ZNF385D: variants seen among roughly 807,000 people sequenced by gnomAD.
ZNF385D encodes the protein zinc finger protein 659.
In ZNF385D, 15 loss-of-function variants were observed where a neutral mutation model predicts 35.8. The ratio of observed to expected loss-of-function variants is 0.42; its 90% CI spans 0.28 to 0.64. ZNF385D has a LOEUF of 0.64. Ranked by LOEUF, ZNF385D falls within the 30% of genes least tolerant of loss-of-function variation. The pLI is 0.23. For synonymous variants in ZNF385D, 212 were observed against 186.8 expected (o/e 1.13, Z -1.10); for missense variants, 474 against 494.6 (o/e 0.96, Z 0.39).
intron 2 of ZNF385D, among the ~76,000 whole-genome samples, chr3:21,643,284 G>T (rs942480565): frequency 3.9e-5 from 6 of 152,118 alleles, no homozygotes; most frequent in Non-Finnish European, 5.9e-5. Flanking sequence ...GGGTGAAGAA[G>T]AGAGGAAAGA....
rs1171649006 is a variant in ZNF385D at position 22,139,550 on chromosome 3, G to T, written c.325+29267C>A. Reference sequence around the variant, plus strand: ...AAACACCTCATGTTCTCACTCATAGGTGGGAATTGAACAATGAGAACACAT... The same window carrying T: ...AAACACCTCATGTTCTCACTCATAGTTGGGAATTGAACAATGAGAACACAT... On this transcript the variant is annotated intron_variant, in intron 3 of 5. Transcript: ENST00000494108. Among the ~76,000 whole-genome samples, 4 of 151,412 alleles carry T rather than the reference G, an allele frequency of 2.6e-5. No homozygotes were observed. In the South Asian group the frequency reaches 8.3e-4, roughly 32 times the overall value.
At position 22,126,388 on chromosome 3, in the gene ZNF385D, A is replaced by G. The variant is rs566005868; in HGVS notation, c.325+42429T>C. On this transcript the variant is annotated intron_variant, in intron 3 of 5. Coordinates refer to the ZNF385D transcript ENST00000494108. ...ACCTTCCTCTTACTAAGGTTTGGGT[A>G]TGTTGTGTTTCCATTTTCATTTACC... Among the ~76,000 whole-genome samples the G allele has an allele frequency of 2.6e-4, 32 of 121,668 alleles. 1 individual carries two copies. Among genetic ancestry groups the G allele is most frequent in the Non-Finnish European group, 4.7e-4 (28 of 60,122 alleles). 79.8% of individuals were successfully genotyped at this position (121,668 alleles called of 152,430 possible). A position where few individuals can be genotyped will look rare whatever the true frequency, so the allele number is the denominator to read the frequency against.
intron 3 of ZNF385D, among the ~76,000 whole-genome samples, chr3:22,084,816 A>C (rs1386275806): frequency 1.3e-5 from 2 of 152,214 alleles, no homozygotes; most frequent in Non-Finnish European, 2.9e-5. Flanking sequence ...AATTGACCAC[A>C]TAGTTGGAAG....
chr3:22,209,800 C>T (rs1401482519), intron 2 of ZNF385D, among the ~76,000 whole-genome samples: 1 of 151,254 alleles, frequency 6.6e-6, no homozygotes, highest in Non-Finnish European at 1.5e-5. Context: ...AATATAACCA[C>T]ATATACACAA....
intron 3 of ZNF385D, among the ~76,000 whole-genome samples, chr3:21,826,130 T>C (rs1293553735): frequency 6.6e-6 from 1 of 152,134 alleles, no homozygotes; most frequent in Non-Finnish European, 1.5e-5. Context: ...AACTTTCTCT[T>C]AAGTTGCTTT....
intron 4 of ZNF385D, among the ~76,000 whole-genome samples, chr3:21,458,658 C>T (rs1702976647): frequency 6.6e-6 from 1 of 151,896 alleles, no homozygotes; most frequent in African/African-American, 2.4e-5. Context: ...CATGAATGAA[C>T]CATGAAAACA....
intron 3 of ZNF385D, among the ~76,000 whole-genome samples, chr3:21,812,400 C>T (rs765240553): frequency 2.0e-5 from 3 of 152,208 alleles, no homozygotes; most frequent in Non-Finnish European, 4.4e-5. Flanking sequence ...GGCGGGGCAC[C>T]GCCTCACCTC....
chr3:21,736,825 T>C (rs2069265241), intron 1 of ZNF385D, among the ~76,000 whole-genome samples: 1 of 152,212 alleles, frequency 6.6e-6, no homozygotes, highest in African/African-American at 2.4e-5. Flanking sequence ...TTAAAAGCAA[T>C]TATTCTACTT....
intron 3 of ZNF385D, among the ~76,000 whole-genome samples, chr3:21,841,136 C>T (rs898083941): frequency 4.6e-5 from 7 of 152,066 alleles, no homozygotes; most frequent in Non-Finnish European, 1.0e-4. Context: ...ATGGCACCTA[C>T]TATGTATATT....
intron 2 of ZNF385D, among the ~76,000 whole-genome samples, chr3:22,223,371 C>G (rs537583887): frequency 3.3e-5 from 5 of 152,144 alleles, no homozygotes; most frequent in African/African-American, 1.2e-4. Context: ...CTACTATGTA[C>G]AGTGTTTAAT....
At chr3:21,500,743 A>G (rs890154379) in intron 4 of ZNF385D, among the ~76,000 whole-genome samples, 1 of 152,156 alleles carries the variant, frequency 6.6e-6, no homozygotes, top group Non-Finnish European at 1.5e-5. Context: ...TTAGATCACT[A>G]AAGAGTTCTG....
At chr3:22,005,927 C>A (rs1696171279) in intron 3 of ZNF385D, among the ~76,000 whole-genome samples, 1 of 152,058 alleles carries the variant, frequency 6.6e-6, no homozygotes, top group African/African-American at 2.4e-5. Flanking sequence ...CATCTCTAAG[C>A]ACTATTCACA....
intron 3 of ZNF385D, among the ~76,000 whole-genome samples, chr3:22,005,473 T>C (rs966858522): frequency 5.9e-5 from 9 of 152,218 alleles, no homozygotes; most frequent in African/African-American, 2.2e-4. Context: ...TATATATTTT[T>C]AAATAGCTAT....
rs1698105458 is a variant in ZNF385D, at chr3:22,033,176, T to C, written c.325+135641A>G. On this transcript the variant is annotated intron_variant, in intron 3 of 5. Transcript: ENST00000494108. ...TAGCACTTTAGGAGGCTGAGGCAGG[T>C]CGATAGCTTGAGCTCAGGCATTCGA... Among the ~76,000 whole-genome samples the C allele has an allele frequency of 1.3e-5, 2 of 151,790 alleles. 1 individual carries two copies. The highest frequency in any genetic ancestry group is 4.2e-4 in the South Asian group (2 of 4,818).
chr3:21,558,327 T>A (rs191578033), intron 3 of ZNF385D, among the ~76,000 whole-genome samples: 2 of 147,202 alleles, frequency 1.4e-5, no homozygotes, highest in Non-Finnish European at 3.1e-5. Context: ...CTGCTTTAAG[T>A]GTGTCCCAGA....
intron 3 of ZNF385D, among the ~76,000 whole-genome samples, chr3:21,945,396 G>A (rs79766563): frequency 6.6e-6 from 1 of 152,118 alleles, no homozygotes; most frequent in Non-Finnish European, 1.5e-5. Flanking sequence ...CACGTTAGTT[G>A]TATGTTTTCT....
chr3:21,545,679 G>T (rs2062346800), intron 3 of ZNF385D, among the ~76,000 whole-genome samples: 1 of 152,158 alleles, frequency 6.6e-6, no homozygotes, highest in Non-Finnish European at 1.5e-5. Context: ...ACTTTGACTG[G>T]AAGGGTATGC....
At chr3:21,598,316 G>A (rs553598987) in intron 2 of ZNF385D, among the ~76,000 whole-genome samples, 1 of 152,256 alleles carries the variant, frequency 6.6e-6, no homozygotes, top group African/African-American at 2.4e-5. Flanking sequence ...AGGATAAGCA[G>A]TAGATCATAG....
At chr3:21,995,313 C>T (rs1253457923) in intron 3 of ZNF385D, among the ~76,000 whole-genome samples, 3 of 152,322 alleles carry the variant, frequency 2.0e-5, no homozygotes, top group Middle Eastern at 3.4e-3. Context: ...CCCAGGCCCC[C>T]ATCAGTGCAC....
Sources: gnomAD v4.1 joint callset for allele counts (sites outside exome capture counted in the v4.1 genomes callset) on GRCh38, gnomAD v4.1.1 for gene constraint, MANE v1.5 for transcripts, NCBI Gene and HGNC (gene_info 2026-07-23, HGNC 2026-07-21) for gene names.